The following ERBB4 variants were observed in gnomAD, a reference collection of about 807,000 sequenced individuals.
The protein encoded by ERBB4 is receptor tyrosine-protein kinase erbB-4.
In ERBB4, 42 loss-of-function variants were observed where a neutral mutation model predicts 158.0. That is an observed-to-expected ratio of 0.27 (90% CI 0.21 to 0.34). ERBB4 has a LOEUF of 0.34. ERBB4 is among the 10% of genes least tolerant of loss of function. ERBB4 has a pLI of 1.00. For synonymous variants in ERBB4, 583 were observed against 558.7 expected, an observed-to-expected ratio of 1.04 and a Z score of -0.61; for missense variants, 1,333 against 1,624.1, an observed-to-expected ratio of 0.82 and a Z score of 3.08.
chr2:211,676,985 C>G (rs1300742538), intron 13 of ERBB4, among the ~76,000 whole-genome samples: 5 of 152,194 alleles, frequency 3.3e-5, no homozygotes, highest in Non-Finnish European at 5.9e-5. Context: ...AAAGTTACCT[C>G]ACAAAATTAA....
intron 3 of ERBB4, among the ~76,000 whole-genome samples, chr2:211,800,592 T>C (rs1387152797): frequency 1.3e-5 from 2 of 150,270 alleles, no homozygotes; most frequent in African/African-American, 4.9e-5. Context: ...TTTTTGAAAA[T>C]ATTTTATGGA....
At chr2:211,923,182 C>T (rs888243373) in intron 3 of ERBB4, among the ~76,000 whole-genome samples, 9 of 151,928 alleles carry the variant, frequency 5.9e-5, no homozygotes, top group Admixed American at 2.0e-4. Flanking sequence ...GAAGACAAGA[C>T]GGCAAAGCAG....
intron 1 of ERBB4, among the ~76,000 whole-genome samples, chr2:212,301,318 A>G (rs2086613672): frequency 1.3e-5 from 2 of 151,344 alleles, no homozygotes; most frequent in South Asian, 4.1e-4. Context: ...AAACTTAAGC[A>G]TCACATGTAT....
intron 20 of ERBB4, among the ~76,000 whole-genome samples, chr2:211,538,048 A>G (rs1423340461): frequency 1.3e-5 from 2 of 151,930 alleles, no homozygotes; most frequent in African/African-American, 4.8e-5. Context: ...GAAACATCCA[A>G]TAATAGGTGT....
chr2:211,582,096 C>T (rs1195737432), intron 19 of ERBB4, among the ~76,000 whole-genome samples: 1 of 152,146 alleles, frequency 6.6e-6, no homozygotes, highest in African/African-American at 2.4e-5. Flanking sequence ...ACAGGCATGA[C>T]AATTACTCTT....
At position 211,814,645 on chromosome 2, in the gene ERBB4, A is replaced by G. The variant is rs572193470; in HGVS notation, c.422-26486T>C. Among the ~76,000 whole-genome samples, 718 of 152,314 alleles carry G rather than the reference A, an allele frequency of 4.7e-3. 6 individuals are homozygous for G. Among genetic ancestry groups the G allele is most frequent in the African/African-American group, 0.013 (531 of 41,570 alleles). ...AGATAAAAAGTCACTACCAAAAAAA[A>G]AAGTAAATTTACAAAGAAAAGGGTC... On this transcript the variant is annotated intron_variant, in intron 3 of 27. Transcript: ENST00000342788.
intron 3 of ERBB4, among the ~76,000 whole-genome samples, chr2:211,869,713 T>C (rs1559595205): frequency 6.6e-6 from 1 of 152,174 alleles, no homozygotes; most frequent in African/African-American, 2.4e-5. Context: ...ATCAGGTCCA[T>C]CATGTGTCTA....
intron 1 of ERBB4, among the ~76,000 whole-genome samples, chr2:212,254,833 T>C (rs1175975805): frequency 6.6e-6 from 1 of 152,170 alleles, no homozygotes; most frequent in Non-Finnish European, 1.5e-5. Flanking sequence ...TGGCTAGTTA[T>C]ACAAACCACT....
At chr2:211,808,849 T>C (rs1403639153) in intron 3 of ERBB4, among the ~76,000 whole-genome samples, 3 of 152,208 alleles carry the variant, frequency 2.0e-5, no homozygotes, top group African/African-American at 7.2e-5. Context: ...TCACATCCCT[T>C]GTAAGTTGGA....
At chr2:211,616,636 G>C (rs1328162742) in intron 19 of ERBB4, among the ~76,000 whole-genome samples, 1 of 152,084 alleles carries the variant, frequency 6.6e-6, no homozygotes, top group Non-Finnish European at 1.5e-5. Context: ...TAAAATTAGA[G>C]CAGCCTGCAT....
At chr2:211,791,522 A>T (rs2076279269) in intron 3 of ERBB4, among the ~76,000 whole-genome samples, 1 of 151,900 alleles carries the variant, frequency 6.6e-6, no homozygotes, top group Non-Finnish European at 1.5e-5. Flanking sequence ...GCTAAAAAAA[A>T]AATGTTGAAT....
chr2:211,665,498 A>T (rs951244529), intron 14 of ERBB4, 21 bp from the exon 15 acceptor site: 1 of 1,611,572 alleles, frequency 6.2e-7, no homozygotes, highest in Admixed American at 1.7e-5. Flanking sequence ...AAAACGAAAA[A>T]AAAAGAAAAA....
intron 19 of ERBB4, among the ~76,000 whole-genome samples, chr2:211,618,321 A>T (rs148779265): frequency 1.3e-4 from 20 of 152,210 alleles, no homozygotes; most frequent in South Asian, 2.1e-4. Context: ...CCCCTTAGGC[A>T]ACATCTGGCC....
Position 211,377,655 on chromosome 2 carries a change from G to A in ERBB4, c.*5960C>T. Reference sequence around the variant, plus strand: ...CTCATTTGGGAGAAAAAAATTTACAGCAGCTACAAAATATTTACGATTAGG... The same window carrying A: ...CTCATTTGGGAGAAAAAAATTTACAACAGCTACAAAATATTTACGATTAGG... On this transcript the variant is annotated 3_prime_UTR_variant, in exon 28 of 28. Coordinates refer to ENST00000342788, the MANE Select transcript of ERBB4 (RefSeq NM_005235.3). 4.3e-6 allele frequency: 1 copy of A among 232,390 alleles called. No homozygotes were observed. Among genetic ancestry groups the A allele is most frequent in the East Asian group, 6.1e-5 (1 of 16,432 alleles). 14.4% of individuals were successfully genotyped at this position (232,390 alleles called of 1,614,324 possible).
chr2:211,742,186 C>T (rs765718987), intron 5 of ERBB4, among the ~76,000 whole-genome samples: 4 of 152,218 alleles, frequency 2.6e-5, no homozygotes, highest in Non-Finnish European at 5.9e-5. Context: ...TCCCCATTAG[C>T]TCCCACTTGC....
intron 3 of ERBB4, among the ~76,000 whole-genome samples, chr2:211,914,871 G>C (rs903470356): frequency 6.6e-6 from 1 of 151,906 alleles, no homozygotes; most frequent in African/African-American, 2.4e-5. Context: ...TTTATGGAGG[G>C]GAAAGCAGAA....
intron 1 of ERBB4, among the ~76,000 whole-genome samples, chr2:212,378,783 C>A (rs140149813): frequency 6.6e-6 from 1 of 151,806 alleles, no homozygotes; most frequent in South Asian, 2.1e-4. Flanking sequence ...ATATCATATG[C>A]ATTACCAATG....
chr2:211,900,013 G>T (rs919159548), intron 3 of ERBB4, among the ~76,000 whole-genome samples: 1 of 152,138 alleles, frequency 6.6e-6, no homozygotes, highest in East Asian at 1.9e-4. Context: ...CTAGAGTGCA[G>T]TTTTAATGCC....
At chr2:211,541,865 C>T (rs1442990203) in intron 20 of ERBB4, among the ~76,000 whole-genome samples, 2 of 152,140 alleles carry the variant, frequency 1.3e-5, no homozygotes, top group East Asian at 1.9e-4. Context: ...TTAACTGTCA[C>T]GTGAGTTTCA....
Sources: allele counts gnomAD v4.1 joint callset (sites outside exome capture counted in the v4.1 genomes callset), GRCh38; gene constraint gnomAD v4.1.1; transcripts MANE v1.5; gene names NCBI Gene and HGNC (gene_info 2026-07-23, HGNC 2026-07-21).